Variants in PPM1B observed in about 807,000 individuals in gnomAD.
The protein encoded by PPM1B is protein phosphatase 1B.
PPM1B carries 22 observed loss-of-function variants against 43.0 expected under a neutral mutation model. That is an observed-to-expected ratio of 0.51 (90% CI 0.37 to 0.73). The LOEUF (loss-of-function observed/expected upper bound fraction) is 0.73. PPM1B is among the 30% of genes least tolerant of loss of function. The probability of loss-of-function intolerance (pLI) is 0.00; values close to 1 mark genes in which losing one functional copy is unlikely to be tolerated. For synonymous variants in PPM1B, 217 were observed against 197.9 expected (o/e 1.10, Z -0.81); for missense variants, 632 against 584.2 (o/e 1.08, Z -0.84).
chr2:44,188,145 T>A (rs1668216580), intron 1 of PPM1B, among the ~76,000 whole-genome samples: 1 of 152,206 alleles, frequency 6.6e-6, no homozygotes, highest in Non-Finnish European at 1.5e-5. Flanking sequence ...GGGTTTTGTT[T>A]GTTTGTTTGT....
intron 1 of PPM1B, among the ~76,000 whole-genome samples, chr2:44,188,508 A>G (rs762291874): frequency 6.8e-6 from 1 of 147,718 alleles, no homozygotes; most frequent in Non-Finnish European, 1.5e-5. Flanking sequence ...CAGTCCACCC[A>G]TCTCAGCCTC....
chr2:44,238,719 A>C (rs1420861680), downstream of PPM1B, among the ~76,000 whole-genome samples: 1 of 151,994 alleles, frequency 6.6e-6, no homozygotes, highest in Non-Finnish European at 1.5e-5. Flanking sequence ...GGAAAAAAAA[A>C]AACATTTTAG....
At chr2:44,184,137 T>G (rs1668015382) in intron 1 of PPM1B, among the ~76,000 whole-genome samples, 1 of 152,264 alleles carries the variant, frequency 6.6e-6, no homozygotes, top group African/African-American at 2.4e-5. Context: ...TAATAGTACC[T>G]TCCTCATAGG....
intron 5 of PPM1B, chr2:44,229,908 A>G (rs1022650744): frequency 1.8e-5 from 22 of 1,253,924 alleles, no homozygotes; most frequent in African/African-American, 4.7e-5. Flanking sequence ...AGTAAATACA[A>G]TTTTTATCCG....
intron 1 of PPM1B, among the ~76,000 whole-genome samples, chr2:44,194,808 C>T (rs1668581006): frequency 6.6e-6 from 1 of 151,822 alleles, no homozygotes; most frequent in South Asian, 2.1e-4. Context: ...TTCTGTAAGG[C>T]TTCTTGCTCT....
chr2:44,196,556 G>A (rs1668673002), intron 1 of PPM1B, among the ~76,000 whole-genome samples: 1 of 152,174 alleles, frequency 6.6e-6, no homozygotes, highest in East Asian at 1.9e-4. Flanking sequence ...GAAAATAACT[G>A]CCCAATCCAC....
At chr2:44,205,739 A>C (rs1669160866) in intron 2 of PPM1B, among the ~76,000 whole-genome samples, 1 of 152,018 alleles carries the variant, frequency 6.6e-6, no homozygotes, top group African/African-American at 2.4e-5. Flanking sequence ...ACATTATTTG[A>C]TTTTCCAAAA....
chr2:44,205,354 G>GGTGTGTGTGTGTGTGTGTGTGTGT (rs3074507), intron 2 of PPM1B, among the ~76,000 whole-genome samples: 3 of 91,720 alleles, frequency 3.3e-5, no homozygotes. Flanking sequence ...TGTGGGTGTG[G>GGTGTGTGTGTGTGTGTGTGTGTGT]GTGTGTGTGT....
Position 44,193,174 on chromosome 2 carries a change from A to G in PPM1B, c.-14-8012A>G, listed in dbSNP as rs1446996952. On this transcript the variant is annotated intron_variant, in intron 1 of 5. Coordinates refer to ENST00000282412, the MANE Select transcript of PPM1B (RefSeq NM_002706.6). ...GTCCAGAATTACTGTAATAATTTAC[A>G]TAACCACCATCAGTGTACAAAGGTT... Among the ~76,000 whole-genome samples, 7 of 152,354 alleles carry G rather than the reference A, an allele frequency of 4.6e-5. No individual in the cohort carries two copies. In the South Asian group the frequency reaches 1.0e-3, roughly 23 times the overall value.
At chr2:44,222,882 G>A (rs77941526) in intron 5 of PPM1B, among the ~76,000 whole-genome samples, 5,409 of 152,180 alleles carry the variant, frequency 0.036, 305 homozygotes, top group African/African-American at 0.12. Context: ...CCAGGCTGGA[G>A]TGCTATGGCA....
chr2:44,196,597 A>G (rs1326205589), intron 1 of PPM1B, among the ~76,000 whole-genome samples: 1 of 152,146 alleles, frequency 6.6e-6, no homozygotes, highest in African/African-American at 2.4e-5. Flanking sequence ...TGCTTGACCT[A>G]TTTGAAGGTG....
intron 5 of PPM1B, among the ~76,000 whole-genome samples, chr2:44,240,124 C>T (rs576627065): frequency 1.4e-5 from 2 of 145,778 alleles, no homozygotes; most frequent in African/African-American, 2.5e-5. Context: ...CCTCCTGCCT[C>T]GGCCTCCCAA....
chr2:44,180,346 A>G (rs972385131), intron 1 of PPM1B, among the ~76,000 whole-genome samples: 4 of 152,226 alleles, frequency 2.6e-5, no homozygotes, highest in African/African-American at 9.6e-5. Flanking sequence ...TATGCCCATC[A>G]TCAGGAAACA....
downstream of PPM1B, chr2:44,232,907 A>G (rs1317959627): frequency 1.0e-6 from 1 of 974,198 alleles, no homozygotes; most frequent in African/African-American, 1.8e-5. Flanking sequence ...TGGGTTCTCC[A>G]ATAATGTCCA....
In PPM1B at chr2:44,240,122, C is replaced by T. The variant is rs148607860; in HGVS notation, n.1547-4106C>T. Among the ~76,000 whole-genome samples the T allele has an allele frequency of 3.6e-3, 525 of 145,794 alleles. 32 individuals are homozygous for T. Among genetic ancestry groups the T allele is most frequent in the African/African-American group, 0.012 (507 of 40,784 alleles). On this transcript the variant is annotated intron_variant and non_coding_transcript_variant, in intron 5 of 5. Transcript: ENST00000378540. ...TCCTGTCCTCAAGCAATCCTCCTGC[C>T]TCGGCCTCCCAAAGTACTGGGAGTA...
chr2:44,239,857 T>C (rs908325938), intron 5 of PPM1B, among the ~76,000 whole-genome samples: 3 of 151,822 alleles, frequency 2.0e-5, no homozygotes, highest in Non-Finnish European at 2.9e-5. Context: ...GGTCCATTTC[T>C]AGTTTCTTCT....
At chr2:44,208,069 G>C (rs1669278737) in intron 2 of PPM1B, among the ~76,000 whole-genome samples, 1 of 151,398 alleles carries the variant, frequency 6.6e-6, no homozygotes, top group African/African-American at 2.4e-5. Context: ...TTGTATATTT[G>C]TGTAGAGATG....
At chr2:44,237,610 A>C (rs1670653777), downstream of PPM1B, among the ~76,000 whole-genome samples, 1 of 152,250 alleles carries the variant, frequency 6.6e-6, no homozygotes, top group Admixed American at 6.5e-5. Flanking sequence ...GGAAAGGTAG[A>C]ATGAAAGACT....
chr2:44,225,355 G>A (rs914181435), intron 5 of PPM1B, among the ~76,000 whole-genome samples: 3 of 152,144 alleles, frequency 2.0e-5, no homozygotes, highest in African/African-American at 7.2e-5. Context: ...TCAACTGTAC[G>A]AGTTCAGATA....
Sources: gnomAD v4.1 joint callset for allele counts (sites outside exome capture counted in the v4.1 genomes callset) on GRCh38, gnomAD v4.1.1 for gene constraint, MANE v1.5 for transcripts, NCBI Gene and HGNC (gene_info 2026-07-23, HGNC 2026-07-21) for gene names.